The following PPP3CB variants were observed in gnomAD, a reference collection of about 807,000 sequenced individuals.
The protein encoded by PPP3CB is protein phosphatase 3 catalytic subunit beta, also known as serine/threonine-protein phosphatase 2B catalytic subunit beta isoform.
Under a neutral mutation model 66.4 loss-of-function variants are expected in PPP3CB, and 8 were observed. The observed-to-expected ratio is 0.12, with a 90% confidence interval of 0.07 to 0.22. The LOEUF is 0.22. PPP3CB is among the 10% of genes least tolerant of loss of function. The pLI, the probability that PPP3CB is intolerant of heterozygous loss-of-function variation, is 1.00. For missense variants in PPP3CB, 319 were observed against 642.5 expected (o/e 0.50, Z 5.44); for synonymous variants, 208 against 221.2 (o/e 0.94, Z 0.53).
In PPP3CB at chr10:73,478,559, A is replaced by C; in HGVS notation, c.351T>G (p.Pro117=). The change falls in exon 3 of 14, where the codon CCT becomes CCG. Residue 117 remains proline (P), a synonymous_variant. Transcript: ENST00000360663. ...LMKLFEVGGS[P]ANTRYLFLGD... is the part of the protein sequence containing the mutation. ...CAAGAAAAAGGTATCGTGTATTAGC[A>C]GGTGATCCTCCTACTTCAAAAAGTT... 6.2e-7 allele frequency: 1 copy of C among 1,609,514 alleles called. No homozygotes were observed. The highest frequency in any genetic ancestry group is 8.5e-7 in the Non-Finnish European group (1 of 1,175,906).
chr10:73,453,288 T>A (rs1386391899), intron 10 of PPP3CB, among the ~76,000 whole-genome samples: 1 of 152,192 alleles, frequency 6.6e-6, no homozygotes, highest in Non-Finnish European at 1.5e-5. Flanking sequence ...TTCTCTCCAA[T>A]AAATTTATTC....
chr10:73,469,631 T>C (rs2056672933), intron 8 of PPP3CB, among the ~76,000 whole-genome samples: 1 of 152,240 alleles, frequency 6.6e-6, no homozygotes, highest in African/African-American at 2.4e-5. Flanking sequence ...TAAGTTCTTG[T>C]AGCATATTCT....
chr10:73,467,185 A>C (rs2056630762), intron 9 of PPP3CB: 1 of 153,506 alleles, frequency 6.5e-6, no homozygotes, highest in Admixed American at 6.5e-5. Flanking sequence ...TTTCCCCAAG[A>C]ATTTCGGTGG....
chr10:73,456,608 A>G (rs1261817138), intron 9 of PPP3CB, among the ~76,000 whole-genome samples: 1 of 152,258 alleles, frequency 6.6e-6, no homozygotes, highest in Non-Finnish European at 1.5e-5. Flanking sequence ...ACAATGGTCA[A>G]CTACAAAAGA....
rs1486256060 is a variant in PPP3CB, at chr10:73,479,331, T to G, written c.272A>C (p.Glu91Ala). The change falls in exon 2 of 14, where the codon GAA becomes GCA. Residue 91 changes from glutamate to alanine, a missense_variant. Glu to Ala is a moderately radical substitution (Grantham distance 107). Coordinates refer to ENST00000360663, the MANE Select transcript of PPP3CB (RefSeq NM_021132.4). ...AATAAGCTTACCTGTGATTGGAGCTTCTACTTCTATCATGGTTTTCTCTCT... is the reference window on the plus strand; with the variant it reads ...AATAAGCTTACCTGTGATTGGAGCTGCTACTTCTATCATGGTTTTCTCTCT... Reference protein sequence around the residue: ...LRREKTMIEVEAPITVCGDIH... With the variant: ...LRREKTMIEVAAPITVCGDIH... 6.2e-7 allele frequency: 1 copy of G among 1,613,986 alleles called. No homozygotes were observed. Among genetic ancestry groups the G allele is most frequent in the Non-Finnish European group, 8.5e-7 (1 of 1,179,852 alleles).
intron 1 of PPP3CB, among the ~76,000 whole-genome samples, chr10:73,493,920 T>C (rs2057120243): frequency 1.3e-5 from 2 of 152,098 alleles, no homozygotes; most frequent in African/African-American, 4.8e-5. Flanking sequence ...ATTAAAGCAG[T>C]ACAGAAAAAA....
intron 8 of PPP3CB, among the ~76,000 whole-genome samples, chr10:73,470,218 G>A (rs182925258): frequency 6.0e-4 from 92 of 152,200 alleles, no homozygotes; most frequent in Admixed American, 5.2e-3. Context: ...AAATCTTCAT[G>A]GGGCAGTGAT....
intron 9 of PPP3CB, among the ~76,000 whole-genome samples, chr10:73,459,078 A>G (rs1403094094): frequency 2.6e-5 from 4 of 152,186 alleles, no homozygotes; most frequent in Admixed American, 2.0e-4. Context: ...CTCAAAAACA[A>G]CAACAACAAT....
intron 13 of PPP3CB, among the ~76,000 whole-genome samples, chr10:73,439,229 T>C (rs2056110188): frequency 6.6e-6 from 1 of 152,240 alleles, no homozygotes; most frequent in South Asian, 2.1e-4. Context: ...GGTTGCTTAA[T>C]ATCTGCAATC....
At position 73,444,839 on chromosome 10, in the gene PPP3CB, T is replaced by A. The variant is rs1279558591; in HGVS notation, c.1269-17A>T. The A allele has an allele frequency of 5.0e-6, 8 of 1,610,022 alleles. No individual in the cohort carries two copies. Among genetic ancestry groups the A allele is most frequent in the Non-Finnish European group, 6.8e-6 (8 of 1,177,886 alleles). On this transcript the variant is annotated splice_polypyrimidine_tract_variant and intron_variant, in intron 11 of 13. Coordinates refer to ENST00000360663, the MANE Select transcript of PPP3CB (RefSeq NM_021132.4). Reference sequence around the variant, plus strand: ...CTCTCCTCCCTATAGCAGAGAGATATAACAAATATCAGATACTTCCAACAA... The same window carrying A: ...CTCTCCTCCCTATAGCAGAGAGATAAAACAAATATCAGATACTTCCAACAA...
At position 73,438,137 on chromosome 10, in the gene PPP3CB, C is replaced by T. The variant is rs1470890806; in HGVS notation, c.*105G>A. ...GGTCTCAGAAGCACAATGGTTTCTT[C>T]AGAGAGACTGTGAAATTTACAGTCA... On this transcript the variant is annotated 3_prime_UTR_variant, in exon 14 of 14. Coordinates refer to ENST00000360663, the MANE Select transcript of PPP3CB (RefSeq NM_021132.4). 1 of 1,170,028 alleles carries T rather than the reference C, an allele frequency of 8.5e-7. No individual in the cohort carries two copies. Among genetic ancestry groups the T allele is most frequent in the East Asian group, 2.6e-5 (1 of 39,174 alleles). 72.5% of individuals were successfully genotyped at this position (1,170,028 alleles called of 1,614,324 possible). A position where few individuals can be genotyped will look rare whatever the true frequency, so the allele number is the denominator to read the frequency against.
At chr10:73,486,700 T>A (rs184488403) in intron 1 of PPP3CB, among the ~76,000 whole-genome samples, 141 of 152,362 alleles carry the variant, frequency 9.3e-4, no homozygotes, top group African/African-American at 3.1e-3. Flanking sequence ...CAAATTCTTT[T>A]TTCAAAGTGG....
At position 73,488,612 on chromosome 10, in the gene PPP3CB, G is replaced by A. The variant is rs986783760; in HGVS notation, c.85+7193C>T. 6.6e-5 allele frequency among the ~76,000 whole-genome samples: 10 copies of A among 150,604 alleles called. No individual in the cohort carries two copies. In the East Asian group the frequency reaches 1.9e-3, roughly 29 times the overall value. ...AATGATATAACCATTTGCTTGCCAG[G>A]AGTAGAAGTATGGATTGGCCACATG... On this transcript the variant is annotated intron_variant, in intron 1 of 13. Transcript: ENST00000360663.
At chr10:73,480,205 A>G (rs2056851074) in intron 1 of PPP3CB, among the ~76,000 whole-genome samples, 1 of 152,160 alleles carries the variant, frequency 6.6e-6, no homozygotes, top group Non-Finnish European at 1.5e-5. Context: ...ATAATAAATC[A>G]TAATTTCAAA....
rs529661761 is a variant in PPP3CB, at chr10:73,466,398, C to T, written c.1108+1155G>A. Among the ~76,000 whole-genome samples the T allele has an allele frequency of 5.3e-5, 8 of 152,290 alleles. No homozygotes were observed. In the South Asian group the frequency reaches 1.7e-3, roughly 32 times the overall value. ...TATCTTCCTGGCCCCTCCATCCTTC[C>T]CATATTACATTAAAACAGTTGAGTT... On this transcript the variant is annotated intron_variant, in intron 9 of 13. Coordinates refer to ENST00000360663, the MANE Select transcript of PPP3CB (RefSeq NM_021132.4).
At chr10:73,494,286 G>GTTTT (rs1024510441) in intron 1 of PPP3CB, among the ~76,000 whole-genome samples, 3 of 151,114 alleles carry the variant, frequency 2.0e-5, no homozygotes, top group African/African-American at 7.4e-5. Flanking sequence ...TTTTGTTTTT[G>GTTTT]TTTTTGTTTT....
intron 1 of PPP3CB, among the ~76,000 whole-genome samples, chr10:73,494,376 C>T (rs2057135748): frequency 6.6e-6 from 1 of 152,140 alleles, no homozygotes. Context: ...CAACTTCTGC[C>T]TCTCGGGCTC....
chr10:73,485,904 CTAATTGTG>C (rs1210446347), intron 1 of PPP3CB, among the ~76,000 whole-genome samples: 1 of 115,568 alleles, frequency 8.7e-6, no homozygotes, highest in Non-Finnish European at 1.7e-5. Flanking sequence ...CCACACCTGG[CTAATTGTG>C]TGTGTGTGTG....
intron 9 of PPP3CB, among the ~76,000 whole-genome samples, chr10:73,458,882 C>T: frequency 6.6e-6 from 1 of 151,636 alleles, no homozygotes; most frequent in South Asian, 2.1e-4. Flanking sequence ...CCAGCCTGAC[C>T]AACATGGAGA....
Sources: gnomAD v4.1 joint callset for allele counts (sites outside exome capture counted in the v4.1 genomes callset) on GRCh38, gnomAD v4.1.1 for gene constraint, MANE v1.5 for transcripts, NCBI Gene and HGNC (gene_info 2026-07-23, HGNC 2026-07-21) for gene names.